FYCO1: variants seen among roughly 807,000 people sequenced by gnomAD.
The protein encoded by FYCO1 is FYVE and coiled-coil domain autophagy adaptor 1.
In FYCO1, 122 loss-of-function variants were observed where a neutral mutation model predicts 165.1. That is an observed-to-expected ratio of 0.74 (90% CI 0.64 to 0.86). The LOEUF is 0.86. Ranked by LOEUF, FYCO1 falls within the 40% of genes least tolerant of loss-of-function variation. The pLI is 0.00. For synonymous variants in FYCO1, 648 were observed against 742.5 expected, an observed-to-expected ratio of 0.87 and a Z score of 2.07; for missense variants, 1,702 against 1,810.3, an observed-to-expected ratio of 0.94 and a Z score of 1.09.
chr3:45,937,141 G>A lies in FYCO1; in HGVS notation c.3945-598C>T, dbSNP rs150032603. On this transcript the variant is annotated intron_variant, in intron 14 of 17. Coordinates refer to ENST00000296137, the MANE Select transcript of FYCO1 (RefSeq NM_024513.4). ...TGCAACTTAGTGTTTTCCCTGTGGGGTTCCAGGTCCAGCTCAGCCAGGGAC... is the reference window on the plus strand; with the variant it reads ...TGCAACTTAGTGTTTTCCCTGTGGGATTCCAGGTCCAGCTCAGCCAGGGAC... Among the ~76,000 whole-genome samples the A allele has an allele frequency of 2.0e-3, 307 of 152,302 alleles. 1 individual carries two copies. Among genetic ancestry groups the A allele is most frequent in the African/African-American group, 6.6e-3 (273 of 41,552 alleles).
intron 5 of FYCO1, 32 bp downstream of exon 5, chr3:45,975,207 G>A: frequency 7.0e-7 from 1 of 1,423,128 alleles, no homozygotes; most frequent in Non-Finnish European, 9.9e-7. Context: ...TGCACGGGAT[G>A]ATCCCAAACC....
chr3:45,953,245 G>A (rs1705129049), intron 14 of FYCO1, among the ~76,000 whole-genome samples: 1 of 152,124 alleles, frequency 6.6e-6, no homozygotes, highest in African/African-American at 2.4e-5. Flanking sequence ...TCTGAATTCT[G>A]GGCAGGAAAA....
At chr3:45,946,485 G>A (rs1559448802) in intron 14 of FYCO1, 1 of 1,611,880 alleles carries the variant, frequency 6.2e-7, no homozygotes, top group Non-Finnish European at 8.5e-7. Flanking sequence ...AGACACCATG[G>A]CAGAGCATGA....
chr3:45,977,637 G>A (rs957217923), intron 4 of FYCO1, among the ~76,000 whole-genome samples: 1 of 151,840 alleles, frequency 6.6e-6, no homozygotes, highest in African/African-American at 2.4e-5. Context: ...CAGGAGAGCT[G>A]ATTCTGCTTT....
At chr3:45,924,385 C>A (rs936060733) in intron 16 of FYCO1, among the ~76,000 whole-genome samples, 1 of 152,146 alleles carries the variant, frequency 6.6e-6, no homozygotes, top group African/African-American at 2.4e-5. Flanking sequence ...CCAGGAGACA[C>A]TGATATTGAT....
intron 14 of FYCO1, among the ~76,000 whole-genome samples, chr3:45,954,730 C>T (rs1705216818): frequency 6.6e-6 from 1 of 152,142 alleles, no homozygotes; most frequent in African/African-American, 2.4e-5. Flanking sequence ...GGGCCCTAAT[C>T]CAATCGACCA....
Position 45,951,170 on chromosome 3 carries a change from C to T in FYCO1, c.3944+4079G>A, listed in dbSNP as rs530337505. Among the ~76,000 whole-genome samples, 22 of 152,282 alleles carry T rather than the reference C, an allele frequency of 1.4e-4. No individual in the cohort carries two copies. The South Asian group carries it at 4.6e-3, about 32-fold the overall frequency. On this transcript the variant is annotated intron_variant, in intron 14 of 17. Coordinates refer to ENST00000296137, the MANE Select transcript of FYCO1 (RefSeq NM_024513.4). ...GAGGTGGTAGCAGTAGCACACACAG[C>T]TCAGCCCCTGATGACACATCAGGAA...
At chr3:45,957,279 A>C (rs1705392771) in intron 13 of FYCO1, among the ~76,000 whole-genome samples, 1 of 152,250 alleles carries the variant, frequency 6.6e-6, no homozygotes, top group South Asian at 2.1e-4. Flanking sequence ...TAAATGTATA[A>C]GCTAAAGCTG....
chr3:45,964,990 C>G lies in FYCO1; in HGVS notation c.3150+43G>C, dbSNP rs996044869. 2 of 1,531,488 alleles carry G rather than the reference C, an allele frequency of 1.3e-6. No homozygotes were observed. The highest frequency in any genetic ancestry group is 9.0e-7 in the Non-Finnish European group (1 of 1,106,000). The allele number at this position is 1,531,488 out of a possible 1,614,324, so 94.9% of individuals were successfully genotyped here. On this transcript the variant is annotated intron_variant, in intron 9 of 17. Coordinates refer to ENST00000296137, the MANE Select transcript of FYCO1 (RefSeq NM_024513.4). The surrounding 1 kb of genome is among the most constrained non-coding windows in gnomAD (Gnocchi z 4.1). ...CTTAAATGGTCCAGTCAAAACCACA[C>G]CAGATGCCCTCTCCCTGACAGGTCT...
chr3:45,920,899 A>G lies in FYCO1; in HGVS notation c.*866T>C, dbSNP rs1049438571. The G allele has an allele frequency of 2.0e-5, 3 of 152,736 alleles. No individual in the cohort carries two copies. The highest frequency in any genetic ancestry group is 1.3e-4 in the Admixed American group (2 of 15,284). The allele number at this position is 152,736 out of a possible 1,614,324, so 9.5% of individuals were successfully genotyped here. On this transcript the variant is annotated 3_prime_UTR_variant, in exon 18 of 18. Coordinates refer to ENST00000296137, the MANE Select transcript of FYCO1 (RefSeq NM_024513.4). ...GCCATCAGCTGAGGAGTAGCTCTAA[A>G]GCCAATGCACAATCCTGCTCTGTGG... is the stretch of plus-strand genomic sequence containing the variant.
At chr3:45,950,039 C>T (rs927991423) in intron 14 of FYCO1, among the ~76,000 whole-genome samples, 1 of 152,146 alleles carries the variant, frequency 6.6e-6, no homozygotes. Context: ...GCAGAAGATG[C>T]TGTTGGTACA....
chr3:45,970,304 G>A (rs751902937), intron 6 of FYCO1, among the ~76,000 whole-genome samples: 1 of 152,210 alleles, frequency 6.6e-6, no homozygotes, highest in Non-Finnish European at 1.5e-5. Context: ...TCGTTTAGCA[G>A]GAACACTGGA....
At chr3:45,951,232 G>T (rs1464865207) in intron 14 of FYCO1, among the ~76,000 whole-genome samples, 3 of 152,176 alleles carry the variant, frequency 2.0e-5, no homozygotes, top group Non-Finnish European at 4.4e-5. Flanking sequence ...CCAGGCATTA[G>T]ACACTGGGCT....
chr3:45,949,597 C>T (rs370876203), intron 14 of FYCO1, among the ~76,000 whole-genome samples: 4 of 152,316 alleles, frequency 2.6e-5, no homozygotes, highest in African/African-American at 9.6e-5. Flanking sequence ...AGCCCTGGTT[C>T]ACCACCTACA....
rs1705943555 is a variant in FYCO1, at chr3:45,965,271, A to G, written c.3058-146T>C. On this transcript the variant is annotated intron_variant, in intron 8 of 17. Coordinates refer to ENST00000296137, the MANE Select transcript of FYCO1 (RefSeq NM_024513.4). The stretch of plus-strand genomic sequence containing the variant: ...TCCTCAATGAGCTTTGGGTTTATTA[A>G]TAGTGAAACACTTTCAAGCTTACTA... The G allele has an allele frequency of 1.2e-5, 8 of 651,806 alleles. No individual in the cohort carries two copies. In the South Asian group the frequency reaches 1.2e-4, roughly 10 times the overall value. 40.4% of individuals were successfully genotyped at this position (651,806 alleles called of 1,614,324 possible). A position where few individuals can be genotyped will look rare whatever the true frequency, so the allele number is the denominator to read the frequency against.
rs1703086828 is a variant in FYCO1, at chr3:45,921,436, C to T, written c.*329G>A. ...TCACCCCTGCCCGTGAAACTCTCCA[C>T]AAGAGGCCTGTAGCCAACTGTGCTC... is the stretch of plus-strand genomic sequence containing the variant. On this transcript the variant is annotated 3_prime_UTR_variant, in exon 18 of 18. Coordinates refer to ENST00000296137, the MANE Select transcript of FYCO1 (RefSeq NM_024513.4). 2.7e-6 allele frequency: 1 copy of T among 373,990 alleles called. No homozygotes were observed. Among genetic ancestry groups the T allele is most frequent in the South Asian group, 2.2e-5 (1 of 45,524 alleles). The allele number at this position is 373,990 out of a possible 1,614,324, so 23.2% of individuals were successfully genotyped here.
intron 14 of FYCO1, 89 bp downstream of exon 14, chr3:45,955,160 A>G (rs566495996): frequency 1.2e-4 from 174 of 1,449,806 alleles, no homozygotes; most frequent in African/African-American, 1.0e-3. Flanking sequence ...TCCTGCTTCC[A>G]GTGTCTCACT....
intron 14 of FYCO1, chr3:45,943,470 C>T (rs915226107): frequency 6.6e-6 from 1 of 152,210 alleles, no homozygotes; most frequent in Non-Finnish European, 1.5e-5. Flanking sequence ...AACCACATCA[C>T]AGAAGTAGAG....
intron 1 of FYCO1, among the ~76,000 whole-genome samples, chr3:45,994,206 CTAAAG>C (rs1707688729): frequency 7.5e-6 from 1 of 132,876 alleles, no homozygotes; most frequent in Non-Finnish European, 1.6e-5. Flanking sequence ...TTACCAATCT[CTAAAG>C]TAACTGCAAA....
Sources: allele counts gnomAD v4.1 joint callset (sites outside exome capture counted in the v4.1 genomes callset), GRCh38; gene constraint gnomAD v4.1.1; non-coding constraint Gnocchi (gnomAD v3.1); transcripts MANE v1.5; gene names NCBI Gene and HGNC (gene_info 2026-07-23, HGNC 2026-07-21).